The following TEAD3 variants were observed in gnomAD, a reference collection of about 807,000 sequenced individuals.
TEAD3 encodes transcriptional enhancer factor TEF-5.
Under a neutral mutation model 55.6 loss-of-function variants are expected in TEAD3, and 15 were observed. The ratio of observed to expected loss-of-function variants is 0.27; its 90% CI spans 0.18 to 0.42. TEAD3 has a LOEUF of 0.42. Ranked by LOEUF, TEAD3 falls within the 10% of genes least tolerant of loss-of-function variation. TEAD3 has a pLI of 1.00. For synonymous variants in TEAD3, 210 were observed against 232.2 expected (o/e 0.90, Z 0.87); for missense variants, 407 against 576.8 (o/e 0.71, Z 3.01).
At chr6:35,494,230 C>T (rs1768592783) in intron 1 of TEAD3, among the ~76,000 whole-genome samples, 1 of 152,252 alleles carries the variant, frequency 6.6e-6, no homozygotes, top group Non-Finnish European at 1.5e-5. Flanking sequence ...TTCCCTCTAA[C>T]ACTTCCTGCC....
At chr6:35,489,573 T>C (rs1004145469) in intron 1 of TEAD3, among the ~76,000 whole-genome samples, 2 of 152,160 alleles carry the variant, frequency 1.3e-5, no homozygotes, top group African/African-American at 2.4e-5. Context: ...CTCTCTCCCA[T>C]GGCCAGTGGG....
rs117991439 is a variant in TEAD3 at position 35,493,755 on chromosome 6, G to A, written c.-50+3143C>T. Among the ~76,000 whole-genome samples the A allele has an allele frequency of 1.3e-3, 205 of 152,316 alleles. 3 individuals are homozygous for A. The East Asian group carries it at 0.035, about 26-fold the overall frequency. On this transcript the variant is annotated intron_variant, in intron 1 of 12. Transcript: ENST00000639578. ...ACATCACACAGATCGCCACTCATCC[G>A]GCTTCTCACGCACACGCGCCCGCGC...
At chr6:35,482,297 C>A (rs750421197) in intron 3 of TEAD3, among the ~76,000 whole-genome samples, 1 of 152,174 alleles carries the variant, frequency 6.6e-6, no homozygotes, top group South Asian at 2.1e-4. Context: ...CAAAAAAAAC[C>A]TTGTCAGTGG....
intron 9 of TEAD3, 61 bp from the exon 10 acceptor site, chr6:35,476,153 GA>G: frequency 6.5e-7 from 1 of 1,529,222 alleles, no homozygotes; most frequent in Non-Finnish European, 8.8e-7. Context: ...CGGGGGCGGG[GA>G]AGGGAGCACT....
At chr6:35,482,250 C>T (rs1390717674) in intron 3 of TEAD3, among the ~76,000 whole-genome samples, 1 of 152,062 alleles carries the variant, frequency 6.6e-6, no homozygotes, top group South Asian at 2.1e-4. Flanking sequence ...CTCCCAAAGT[C>T]CTGGGATTAC....
rs1003414487 is a variant in TEAD3, at chr6:35,477,219, T to C, written c.592+92A>G. 10 of 1,384,080 alleles carry C rather than the reference T, an allele frequency of 7.2e-6. No individual in the cohort carries two copies. The African/African-American group carries it at 9.9e-5, about 14-fold the overall frequency. The allele number at this position is 1,384,080 out of a possible 1,614,324, so 85.7% of individuals were successfully genotyped here. A position where few individuals can be genotyped will look rare whatever the true frequency, so the allele number is the denominator to read the frequency against. ...ATCTCCTGTAGATGTCGCAACCCCC[T>C]CCCTCCCAAAGCAAACACACACAGT... On this transcript the variant is annotated intron_variant, in intron 8 of 12. Coordinates refer to ENST00000639578, the Ensembl canonical transcript of TEAD3.
At chr6:35,492,030 T>TG (rs1768532547) in intron 1 of TEAD3, among the ~76,000 whole-genome samples, 1 of 152,078 alleles carries the variant, frequency 6.6e-6, no homozygotes, top group South Asian at 2.1e-4. Flanking sequence ...TCTGGGTGAG[T>TG]GGGCACCTCC....
At position 35,475,797 on chromosome 6, in the gene TEAD3, C is replaced by T; in HGVS notation, c.901-91G>A. On this transcript the variant is annotated intron_variant, in intron 10 of 12. Transcript: ENST00000639578. This position sits in a 1 kb window ranked among gnomAD's most constrained non-coding sequence, Gnocchi z 5.4. ...CAGAGTCCTGCCCAAGGATCCATCT[C>T]TGGCACTCTGCCCACAAGCCATGAG... 6.6e-7 allele frequency: 1 copy of T among 1,508,478 alleles called. No homozygotes were observed. The highest frequency in any genetic ancestry group is 1.3e-5 in the South Asian group (1 of 75,758). 93.4% of individuals were successfully genotyped at this position (1,508,478 alleles called of 1,614,324 possible). A position where few individuals can be genotyped will look rare whatever the true frequency, so the allele number is the denominator to read the frequency against.
At position 35,476,487 on chromosome 6, in the gene TEAD3, T is replaced by G; in HGVS notation, c.593-52A>C. On this transcript the variant is annotated intron_variant, in intron 8 of 12. Coordinates refer to ENST00000639578, the Ensembl canonical transcript of TEAD3. Reference sequence around the variant, plus strand: ...TGCATGGATGCATGCAGGTGCTTACTGACAAAGCTGCCCCCAGCTTGCAAA... The same window carrying G: ...TGCATGGATGCATGCAGGTGCTTACGGACAAAGCTGCCCCCAGCTTGCAAA... The G allele has an allele frequency of 4.4e-6, 7 of 1,598,092 alleles. No homozygotes were observed. In the Middle Eastern group the frequency reaches 1.3e-3, roughly 298 times the overall value.
chr6:35,495,329 T>A (rs903764406), intron 1 of TEAD3, among the ~76,000 whole-genome samples: 6 of 152,216 alleles, frequency 3.9e-5, no homozygotes, highest in Non-Finnish European at 1.5e-5. Flanking sequence ...TCTGTACACT[T>A]AATGTGCTGC....
chr6:35,493,366 C>T (rs988563052), intron 1 of TEAD3, among the ~76,000 whole-genome samples: 1 of 152,160 alleles, frequency 6.6e-6, no homozygotes, highest in Non-Finnish European at 1.5e-5. Flanking sequence ...CCCACAGAGC[C>T]TCCTACACGC....
Position 35,486,903 on chromosome 6 carries a change from G to A in TEAD3, c.-49-192C>T, listed in dbSNP as rs903352750. 6.6e-6 allele frequency among the ~76,000 whole-genome samples: 1 copy of A among 152,206 alleles called. No individual in the cohort carries two copies. Among genetic ancestry groups the A allele is most frequent in the Non-Finnish European group, 1.5e-5 (1 of 68,036 alleles). ...CAGAGCTGTGTGACCTGGGATGCAC[G>A]CGCTACTTCACCTCTCTAGGCCTCA... On this transcript the variant is annotated intron_variant, in intron 1 of 12. Transcript: ENST00000639578. This position sits in a 1 kb window ranked among gnomAD's most constrained non-coding sequence, Gnocchi z 7.3.
chr6:35,482,656 A>T (rs538851870), intron 3 of TEAD3, among the ~76,000 whole-genome samples: 13 of 152,192 alleles, frequency 8.5e-5, no homozygotes, highest in Non-Finnish European at 1.5e-4. Flanking sequence ...TCGTGCCCGT[A>T]ATCCTAGCAC....
In TEAD3 at chr6:35,475,058, G is replaced by A; in HGVS notation, c.1294C>T (p.Leu432Phe). Reference sequence around the variant, plus strand: ...CAGAGGGCACCCTAGTCTTTGACGAGCTTGTAGACATGGTGCTGGGCCCCG... The same window carrying A: ...CAGAGGGCACCCTAGTCTTTGACGAACTTGTAGACATGGTGCTGGGCCCCG... The change falls in exon 13 of 13, where the codon CTC (leucine) becomes TTC (phenylalanine). Residue 432 changes from leucine to phenylalanine, a missense_variant. Transcript: ENST00000639578. The surrounding 1 kb of genome is among the most constrained non-coding windows in gnomAD (Gnocchi z 5.4). 6.3e-7 allele frequency: 1 copy of A among 1,588,090 alleles called. No individual in the cohort carries two copies. The highest frequency in any genetic ancestry group is 8.6e-7 in the Non-Finnish European group (1 of 1,166,714).
chr6:35,478,017 A>ATTT (rs57932235), intron 7 of TEAD3, among the ~76,000 whole-genome samples: 1 of 137,844 alleles, frequency 7.3e-6, no homozygotes, highest in African/African-American at 2.7e-5. Context: ...CACCCAGCTA[A>ATTT]TTTTTTTTTT....
chr6:35,491,578 C>T lies in TEAD3; in HGVS notation c.-49-4867G>A, dbSNP rs1481022971. The stretch of plus-strand genomic sequence containing the variant: ...TCCTACCCTCCACCTCCTCTCAGAA[C>T]CCCTCCCATCTGCCTCTGCAGAGGA... On this transcript the variant is annotated intron_variant, in intron 1 of 12. Transcript: ENST00000639578. The surrounding 1 kb of genome is among the most constrained non-coding windows in gnomAD (Gnocchi z 4.4). 1.3e-5 allele frequency among the ~76,000 whole-genome samples: 2 copies of T among 152,170 alleles called. No homozygotes were observed. The highest frequency in any genetic ancestry group is 2.9e-5 in the Non-Finnish European group (2 of 68,012).
rs1561810219 is a variant in TEAD3 at position 35,496,597 on chromosome 6, C to G, written c.-50+301G>C. Among the ~76,000 whole-genome samples the G allele has an allele frequency of 6.6e-6, 1 of 152,144 alleles. No individual in the cohort carries two copies. Among genetic ancestry groups the G allele is most frequent in the African/African-American group, 2.4e-5 (1 of 41,450 alleles). Reference sequence around the variant, plus strand: ...GCCCCCGGATCCCCGCCCCGACCCCCCAAGCACGGACGGCGGGACAGGCGA... The same window carrying G: ...GCCCCCGGATCCCCGCCCCGACCCCGCAAGCACGGACGGCGGGACAGGCGA... On this transcript the variant is annotated intron_variant, in intron 1 of 12. Coordinates refer to ENST00000639578, the Ensembl canonical transcript of TEAD3. This position sits in a 1 kb window ranked among gnomAD's most constrained non-coding sequence, Gnocchi z 4.8.
At position 35,491,415 on chromosome 6, in the gene TEAD3, G is replaced by C. The variant is rs1202312947; in HGVS notation, c.-49-4704C>G. On this transcript the variant is annotated intron_variant, in intron 1 of 12. Coordinates refer to ENST00000639578, the Ensembl canonical transcript of TEAD3. The surrounding 1 kb of genome is among the most constrained non-coding windows in gnomAD (Gnocchi z 4.4). ...GGGAGGGGCAGACCAGGAGGGGATG[G>C]GGAGAAAGAAAAAGACAGGGACAAG... 6.6e-6 allele frequency among the ~76,000 whole-genome samples: 1 copy of C among 152,090 alleles called. No individual in the cohort carries two copies. Among genetic ancestry groups the C allele is most frequent in the Non-Finnish European group, 1.5e-5 (1 of 67,988 alleles).
intron 3 of TEAD3, among the ~76,000 whole-genome samples, chr6:35,482,826 A>C (rs1200723822): frequency 6.6e-6 from 1 of 152,200 alleles, no homozygotes; most frequent in African/African-American, 2.4e-5. Flanking sequence ...TCTGACTAAC[A>C]GGTTCCTATG....
Sources: allele counts gnomAD v4.1 joint callset (sites outside exome capture counted in the v4.1 genomes callset), GRCh38; gene constraint gnomAD v4.1.1; non-coding constraint Gnocchi (gnomAD v3.1); transcripts MANE v1.5; gene names NCBI Gene and HGNC (gene_info 2026-07-23, HGNC 2026-07-21).